The following RASGEF1C variants were observed in gnomAD, a reference collection of about 807,000 sequenced individuals.
The protein encoded by RASGEF1C is ras-GEF domain-containing family member 1C.
Under a neutral mutation model 58.1 loss-of-function variants are expected in RASGEF1C, and 27 were observed. The ratio of observed to expected loss-of-function variants is 0.46; its 90% confidence interval spans 0.34 to 0.64. The LOEUF is 0.64. Among genes scored for constraint, RASGEF1C ranks in the 30% least tolerant of loss-of-function variants. RASGEF1C has a pLI of 0.01. For missense variants in RASGEF1C, 502 were observed against 605.1 expected (o/e 0.83, Z 1.79); for synonymous variants, 243 against 246.3 (o/e 0.99, Z 0.13).
intron 1 of RASGEF1C, among the ~76,000 whole-genome samples, chr5:180,147,245 A>G (rs1033734866): frequency 3.1e-5 from 4 of 127,366 alleles, no homozygotes; most frequent in Non-Finnish European, 6.7e-5. Flanking sequence ...ATCTTTTTGA[A>G]GAACCAACTT....
intron 6 of RASGEF1C, among the ~76,000 whole-genome samples, chr5:180,123,977 AAATTAC>A (rs1243031723): frequency 2.6e-5 from 4 of 152,268 alleles, no homozygotes; most frequent in Non-Finnish European, 4.4e-5. Flanking sequence ...AGGAAAATAT[AAATTAC>A]AAAACAGACT....
intron 1 of RASGEF1C, among the ~76,000 whole-genome samples, chr5:180,139,189 C>T (rs531663674): frequency 1.7e-4 from 26 of 152,324 alleles, no homozygotes; most frequent in Non-Finnish European, 3.2e-4. Context: ...AGCTCTTCCA[C>T]TTACCCCTCT....
chr5:180,147,328 C>A (rs1766673542), intron 1 of RASGEF1C, among the ~76,000 whole-genome samples: 1 of 145,446 alleles, frequency 6.9e-6, no homozygotes. Flanking sequence ...TTTATAATTT[C>A]CCTCCTTCTG....
At chr5:180,119,835 G>T (rs1031923495) in intron 7 of RASGEF1C, among the ~76,000 whole-genome samples, 4 of 152,332 alleles carry the variant, frequency 2.6e-5, no homozygotes, top group African/African-American at 7.2e-5. Context: ...TGGGGTACAA[G>T]TTGGCCCTGA....
At chr5:180,167,806 A>G (rs1235603065) in intron 1 of RASGEF1C, among the ~76,000 whole-genome samples, 2 of 152,232 alleles carry the variant, frequency 1.3e-5, no homozygotes, top group Non-Finnish European at 2.9e-5. Context: ...GCACATTTTG[A>G]ATACTATGCT....
chr5:180,202,409 C>T (rs919260875), intron 1 of RASGEF1C, among the ~76,000 whole-genome samples: 1 of 152,032 alleles, frequency 6.6e-6, no homozygotes, highest in Non-Finnish European at 1.5e-5. Context: ...GAGTCCCCCA[C>T]GTACCTAAGA....
chr5:180,166,387 A>G (rs1397261826), intron 1 of RASGEF1C, among the ~76,000 whole-genome samples: 1 of 152,068 alleles, frequency 6.6e-6, no homozygotes, highest in Non-Finnish European at 1.5e-5. Context: ...TCCTTCCAGT[A>G]TCACTTCCCT....
At chr5:180,179,401 C>T (rs759184400) in intron 1 of RASGEF1C, among the ~76,000 whole-genome samples, 9 of 151,960 alleles carry the variant, frequency 5.9e-5, no homozygotes, top group Non-Finnish European at 1.0e-4. Flanking sequence ...AGAGAAGGGC[C>T]GATGGATGGG....
chr5:180,103,328 C>T (rs543386064), intron 12 of RASGEF1C, among the ~76,000 whole-genome samples: 82 of 152,320 alleles, frequency 5.4e-4, no homozygotes, highest in East Asian at 1.4e-3. Flanking sequence ...CCGCCCGCCT[C>T]GGCCTCCCAG....
intron 1 of RASGEF1C, among the ~76,000 whole-genome samples, chr5:180,193,728 A>C (rs1756210005): frequency 6.6e-6 from 1 of 152,252 alleles, no homozygotes; most frequent in African/African-American, 2.4e-5. Context: ...CCAACTGTAA[A>C]AAGATATTTT....
Position 180,101,365 on chromosome 5 carries a change from G to C in RASGEF1C, c.*136C>G, listed in dbSNP as rs1582255349. ...TATGGCCACTGTGGGGGGGGGGGGG[G>C]CGGGCAGCAGGCCACAGGGTCGGCA... On this transcript the variant is annotated 3_prime_UTR_variant, in exon 14 of 14. Coordinates refer to ENST00000361132, the MANE Select transcript of RASGEF1C (RefSeq NM_175062.4). 2.5e-6 allele frequency: 2 copies of C among 813,898 alleles called. No homozygotes were observed. Among genetic ancestry groups the C allele is most frequent in the Non-Finnish European group, 3.7e-6 (2 of 540,934 alleles). 50.4% of individuals were successfully genotyped at this position (813,898 alleles called of 1,614,324 possible). A position where few individuals can be genotyped will look rare whatever the true frequency, so the allele number is the denominator to read the frequency against.
intron 1 of RASGEF1C, among the ~76,000 whole-genome samples, chr5:180,182,369 G>T (rs886353043): frequency 6.6e-6 from 1 of 152,126 alleles, no homozygotes; most frequent in Non-Finnish European, 1.5e-5. Context: ...GAGTGTTACA[G>T]CTCTTAAAGG....
At chr5:180,130,976 G>A (rs1766356551) in intron 4 of RASGEF1C, among the ~76,000 whole-genome samples, 1 of 151,902 alleles carries the variant, frequency 6.6e-6, no homozygotes, top group African/African-American at 2.4e-5. Flanking sequence ...TGCCATCCTC[G>A]ACCCCGCCCT....
chr5:180,139,377 C>A (rs1278573975), intron 1 of RASGEF1C, among the ~76,000 whole-genome samples: 3 of 152,194 alleles, frequency 2.0e-5, no homozygotes, highest in African/African-American at 7.2e-5. Context: ...GATGGCAAAC[C>A]CTGACCCTGG....
chr5:180,149,733 C>T (rs554510986), intron 1 of RASGEF1C, among the ~76,000 whole-genome samples: 20 of 152,226 alleles, frequency 1.3e-4, no homozygotes, highest in Admixed American at 8.5e-4. Context: ...GGATTACAGG[C>T]GTGAGCCACT....
intron 1 of RASGEF1C, among the ~76,000 whole-genome samples, chr5:180,194,771 C>T (rs566174115): frequency 6.6e-6 from 1 of 152,332 alleles, no homozygotes; most frequent in African/African-American, 2.4e-5. Flanking sequence ...CCCTACAGGG[C>T]TCCGGAGCCT....
chr5:180,114,114 G>GC (rs1766024561), intron 11 of RASGEF1C, among the ~76,000 whole-genome samples: 1 of 152,188 alleles, frequency 6.6e-6, no homozygotes, highest in Non-Finnish European at 1.5e-5. Context: ...CCAGGGCACA[G>GC]CCCCTGTCAC....
chr5:180,173,720 C>G (rs1027262387), intron 1 of RASGEF1C, among the ~76,000 whole-genome samples: 37 of 152,202 alleles, frequency 2.4e-4, no homozygotes, highest in Middle Eastern at 3.4e-3. Flanking sequence ...TGAGACCAGC[C>G]TGGCCAACAT....
intron 1 of RASGEF1C, among the ~76,000 whole-genome samples, chr5:180,180,557 G>T (rs1767308520): frequency 6.6e-6 from 1 of 152,174 alleles, no homozygotes; most frequent in Admixed American, 6.5e-5. Context: ...TGAGTCCCAG[G>T]TCCCTGCCCA....
Sources: allele counts gnomAD v4.1 joint callset (sites outside exome capture counted in the v4.1 genomes callset), GRCh38; gene constraint gnomAD v4.1.1; transcripts MANE v1.5; gene names NCBI Gene and HGNC (gene_info 2026-07-23, HGNC 2026-07-21).